ZEB1: variants seen among roughly 807,000 people sequenced by gnomAD.
ZEB1 encodes zinc finger E-box-binding homeobox 1.
Under a neutral mutation model 84.9 loss-of-function variants are expected in ZEB1, and 21 were observed. The ratio of observed to expected loss-of-function variants is 0.25; its 90% CI spans 0.18 to 0.36. ZEB1 has a LOEUF of 0.36. Ranked by LOEUF, ZEB1 falls within the 10% of genes least tolerant of loss-of-function variation. ZEB1 has a pLI of 1.00. For synonymous variants in ZEB1, 420 were observed against 471.1 expected (o/e 0.89, Z 1.41); for missense variants, 1,104 against 1,330.2 (o/e 0.83, Z 2.65).
chr10:31,525,692 A>G (rs1440927819), intron 8 of ZEB1, among the ~76,000 whole-genome samples: 1 of 152,180 alleles, frequency 6.6e-6, no homozygotes, highest in Non-Finnish European at 1.5e-5. Context: ...GTGAGAAAAG[A>G]TAGAATTGTT....
chr10:31,337,617 G>GT (rs2038402660), intron 1 of ZEB1, among the ~76,000 whole-genome samples: 1 of 148,796 alleles, frequency 6.7e-6, no homozygotes, highest in African/African-American at 2.5e-5. Flanking sequence ...TTTCTTTTGA[G>GT]TATCTTTAGT....
intron 1 of ZEB1, among the ~76,000 whole-genome samples, chr10:31,409,794 A>G (rs1219380474): frequency 6.6e-6 from 1 of 152,202 alleles, no homozygotes; most frequent in Non-Finnish European, 1.5e-5. Context: ...GAGTTCACTC[A>G]TGATTTGGCT....
At chr10:31,517,988 CAA>C (rs1592061381) in intron 6 of ZEB1, among the ~76,000 whole-genome samples, 1 of 152,092 alleles carries the variant, frequency 6.6e-6, no homozygotes, top group African/African-American at 2.4e-5. Context: ...CATCCTGACC[CAA>C]AGTCATTCCC....
Position 31,390,914 on chromosome 10 carries a change from GTCACC to G in ZEB1, c.59-70120_59-70116del, listed in dbSNP as rs1181917694. On this transcript the variant is annotated intron_variant, in intron 1 of 8. Coordinates refer to ENST00000424869, the MANE Select transcript of ZEB1 (RefSeq NM_001174096.2). ...TTTTAGTACATTTTTGAAGCATACA[GTCACC>G]TCCTTAGTAGTGTGGATCTACCCTC... 3.3e-5 allele frequency among the ~76,000 whole-genome samples: 5 copies of G among 152,038 alleles called. No individual in the cohort carries two copies. In the South Asian group the frequency reaches 6.2e-4, roughly 19 times the overall value.
chr10:31,326,147 A>G (rs544688170), intron 1 of ZEB1, among the ~76,000 whole-genome samples: 187 of 152,232 alleles, frequency 1.2e-3, no homozygotes, highest in African/African-American at 4.3e-3. Context: ...GAAACTCTAG[A>G]AGAGACTTTA....
chr10:31,418,032 C>T (rs1477451455), intron 1 of ZEB1, among the ~76,000 whole-genome samples: 1 of 151,958 alleles, frequency 6.6e-6, no homozygotes, highest in East Asian at 1.9e-4. Context: ...GCAGCCTCTG[C>T]ACCAAGGAGG....
chr10:31,319,220 A>T lies in ZEB1; in HGVS notation c.-15A>T, dbSNP rs762982001. The stretch of plus-strand genomic sequence containing the variant: ...GAGGAGGTGACTCGAGCATTTAGAC[A>T]CAAGCGAGAGGATCATGGCGGATGG... On this transcript the variant is annotated 5_prime_UTR_variant, in exon 1 of 9. Coordinates refer to ENST00000424869, the MANE Select transcript of ZEB1 (RefSeq NM_001174096.2). 3 of 1,602,456 alleles carry T rather than the reference A, an allele frequency of 1.9e-6. No homozygotes were observed. The East Asian group carries it at 6.8e-5, about 36-fold the overall frequency.
At chr10:31,432,250 G>T (rs920374553) in intron 1 of ZEB1, among the ~76,000 whole-genome samples, 2 of 152,160 alleles carry the variant, frequency 1.3e-5, no homozygotes, top group Non-Finnish European at 2.9e-5. Context: ...AATGTATGCT[G>T]TATGAATGAG....
At chr10:31,450,400 T>C (rs972962872) in intron 1 of ZEB1, among the ~76,000 whole-genome samples, 6 of 151,424 alleles carry the variant, frequency 4.0e-5, no homozygotes, top group Non-Finnish European at 8.8e-5. Flanking sequence ...TTTTTTTCTG[T>C]TGGAAAGATA....
intron 1 of ZEB1, among the ~76,000 whole-genome samples, chr10:31,439,299 A>T (rs1275954597): frequency 6.6e-6 from 1 of 152,260 alleles, no homozygotes; most frequent in Non-Finnish European, 1.5e-5. Context: ...TCAGATAAAC[A>T]TATGTATGCA....
At position 31,382,029 on chromosome 10, in the gene ZEB1, A is replaced by C. The variant is rs1044305998; in HGVS notation, c.58+62737A>C. 1.3e-4 allele frequency among the ~76,000 whole-genome samples: 18 copies of C among 141,672 alleles called. No individual in the cohort carries two copies. In the South Asian group the frequency reaches 1.5e-3, roughly 12 times the overall value. The allele number at this position is 141,672 out of a possible 152,430, so 92.9% of individuals were successfully genotyped here. A position where few individuals can be genotyped will look rare whatever the true frequency, so the allele number is the denominator to read the frequency against. ...CTCAAAAAAAAAAAAAAAAAAAAAA[A>C]AAAAACAAAGTAAATTTCCCTTGAA... On this transcript the variant is annotated intron_variant, in intron 1 of 8. Transcript: ENST00000424869.
intron 1 of ZEB1, among the ~76,000 whole-genome samples, chr10:31,422,264 T>C (rs2056295968): frequency 6.6e-6 from 1 of 152,178 alleles, no homozygotes; most frequent in South Asian, 2.1e-4. Flanking sequence ...ATCTTAATTA[T>C]AGTTCTTCAC....
intron 1 of ZEB1, chr10:31,387,409 C>G (rs945852841): frequency 1.7e-6 from 1 of 586,020 alleles, no homozygotes. Context: ...ATCACACATT[C>G]ATCAAGAGGT....
At chr10:31,439,082 C>T (rs568287354) in intron 1 of ZEB1, among the ~76,000 whole-genome samples, 1 of 152,114 alleles carries the variant, frequency 6.6e-6, no homozygotes, top group East Asian at 1.9e-4. Context: ...AAAAACAAGT[C>T]ACTCCTTTGG....
chr10:31,454,932 C>CA (rs1184822332), intron 1 of ZEB1, among the ~76,000 whole-genome samples: 3 of 152,008 alleles, frequency 2.0e-5, no homozygotes, highest in Non-Finnish European at 2.9e-5. Context: ...CATGTGGAAC[C>CA]AAAAAAGAGC....
At chr10:31,401,709 T>C (rs2052042733) in intron 1 of ZEB1, among the ~76,000 whole-genome samples, 1 of 152,194 alleles carries the variant, frequency 6.6e-6, no homozygotes, top group African/African-American at 2.4e-5. Flanking sequence ...ACTCCACTAA[T>C]TTGTTATCCC....
intron 1 of ZEB1, among the ~76,000 whole-genome samples, chr10:31,446,853 T>C (rs538916675): frequency 4.9e-4 from 75 of 151,960 alleles, no homozygotes; most frequent in Non-Finnish European, 9.4e-4. Flanking sequence ...AATTTTGGAA[T>C]AGGTGTGGTG....
chr10:31,437,670 T>C (rs886475657), intron 1 of ZEB1, among the ~76,000 whole-genome samples: 1 of 152,182 alleles, frequency 6.6e-6, no homozygotes, highest in African/African-American at 2.4e-5. Flanking sequence ...CTTACTTAGA[T>C]TACTATATGT....
intron 1 of ZEB1, among the ~76,000 whole-genome samples, chr10:31,378,242 T>C (rs1206245123): frequency 6.6e-6 from 1 of 151,588 alleles, no homozygotes; most frequent in Non-Finnish European, 1.5e-5. Flanking sequence ...TTTATTAGTG[T>C]CGTGGAGGTC....
Sources: gnomAD v4.1 joint callset for allele counts (sites outside exome capture counted in the v4.1 genomes callset) on GRCh38, gnomAD v4.1.1 for gene constraint, MANE v1.5 for transcripts, NCBI Gene and HGNC (gene_info 2026-07-23, HGNC 2026-07-21) for gene names.